Variants in DYRK1A observed in about 807,000 individuals in gnomAD.
The protein encoded by DYRK1A is dual specificity tyrosine phosphorylation regulated kinase 1A, also known as dual specificity tyrosine-phosphorylation-regulated kinase 1A.
Under a neutral mutation model 79.7 loss-of-function variants are expected in DYRK1A, and 9 were observed. The ratio of observed to expected loss-of-function variants is 0.11; its 90% CI spans 0.07 to 0.20. The LOEUF (loss-of-function observed/expected upper bound fraction) is 0.20, where lower values mean the gene tolerates loss of function less well. DYRK1A is among the 10% of genes least tolerant of loss of function. DYRK1A has a pLI of 1.00. For missense variants in DYRK1A, 622 were observed against 956.0 expected (o/e 0.65, Z 4.61); for synonymous variants, 349 against 329.7 (o/e 1.06, Z -0.63).
intron 5 of DYRK1A, among the ~76,000 whole-genome samples, chr21:37,482,378 A>G (rs2052678762): frequency 6.6e-6 from 1 of 152,164 alleles, no homozygotes; most frequent in African/African-American, 2.4e-5. Flanking sequence ...TCTGGGGGAG[A>G]CATCACATGT....
chr21:37,461,048 A>T (rs2051821339), intron 2 of DYRK1A, among the ~76,000 whole-genome samples: 1 of 152,150 alleles, frequency 6.6e-6, no homozygotes. Flanking sequence ...TGTAATCAAG[A>T]GTGGTAAGGG....
intron 2 of DYRK1A, chr21:37,430,446 A>G: frequency 1.0e-6 from 1 of 978,204 alleles, no homozygotes. Context: ...ATATGTGTTC[A>G]ACTTGCACTA....
In DYRK1A at chr21:37,467,812, G is replaced by A. The variant is rs772615520; in HGVS notation, c.11-4872G>A. Among the ~76,000 whole-genome samples the A allele has an allele frequency of 5.3e-4, 80 of 152,076 alleles. 1 individual carries two copies. The highest frequency in any genetic ancestry group is 1.1e-3 in the Non-Finnish European group (74 of 68,020). On this transcript the variant is annotated intron_variant, in intron 2 of 11. Transcript: ENST00000647188. ...TTTCCAAGATTGAGAATATGTGAGAGTAGTGTCTGTTACCTCCTTTTTAAA... is the reference window on the plus strand; with the variant it reads ...TTTCCAAGATTGAGAATATGTGAGAATAGTGTCTGTTACCTCCTTTTTAAA...
intron 1 of DYRK1A, among the ~76,000 whole-genome samples, chr21:37,402,086 C>T (rs2050064121): frequency 6.6e-6 from 1 of 152,092 alleles, no homozygotes; most frequent in African/African-American, 2.4e-5. Context: ...TGTTTTTACT[C>T]CTACTTATAT....
intron 1 of DYRK1A, among the ~76,000 whole-genome samples, chr21:37,416,058 T>C (rs896663742): frequency 6.6e-6 from 1 of 152,160 alleles, no homozygotes; most frequent in African/African-American, 2.4e-5. Flanking sequence ...TAGTGAACTT[T>C]AATGTGGGAC....
chr21:37,389,282 G>C (rs906088125), intron 1 of DYRK1A, among the ~76,000 whole-genome samples: 1 of 151,732 alleles, frequency 6.6e-6, no homozygotes, highest in Non-Finnish European at 1.5e-5. Flanking sequence ...TCCCACCTCA[G>C]CCTCCTGAGT....
At chr21:37,407,244 A>T (rs1376796101) in intron 1 of DYRK1A, among the ~76,000 whole-genome samples, 2 of 152,200 alleles carry the variant, frequency 1.3e-5, no homozygotes, top group Non-Finnish European at 2.9e-5. Context: ...TTTATGTTTT[A>T]TATACTGTAG....
chr21:37,452,663 A>G (rs2051492921), intron 2 of DYRK1A, among the ~76,000 whole-genome samples: 1 of 151,684 alleles, frequency 6.6e-6, no homozygotes, highest in African/African-American at 2.4e-5. Flanking sequence ...AGGGGAAGGG[A>G]AGGGGAGCAG....
intron 1 of DYRK1A, among the ~76,000 whole-genome samples, chr21:37,408,920 A>G (rs2050195509): frequency 6.6e-6 from 1 of 152,208 alleles, no homozygotes; most frequent in Admixed American, 6.5e-5. Context: ...AGAGGCTGAC[A>G]TGCATGCAGT....
At chr21:37,384,937 A>G (rs1452556603) in intron 1 of DYRK1A, among the ~76,000 whole-genome samples, 1 of 152,140 alleles carries the variant, frequency 6.6e-6, no homozygotes, top group East Asian at 1.9e-4. Context: ...CTCAGTCAAT[A>G]GAAATAGTAA....
At chr21:37,486,809 TC>T (rs1345412149) in intron 6 of DYRK1A, 195 bp downstream of exon 6, 1 of 438,400 alleles carries the variant, frequency 2.3e-6, no homozygotes, top group African/African-American at 2.0e-5. Flanking sequence ...GAATGTGCCT[TC>T]CATGTAGCAT....
chr21:37,476,784 T>G (rs2052407087), intron 3 of DYRK1A, among the ~76,000 whole-genome samples: 1 of 151,404 alleles, frequency 6.6e-6, no homozygotes, highest in African/African-American at 2.4e-5. Context: ...ATTCTGATGA[T>G]TTTTGTCAGA....
chr21:37,390,766 C>T (rs1056555117), intron 1 of DYRK1A, among the ~76,000 whole-genome samples: 5 of 152,050 alleles, frequency 3.3e-5, no homozygotes, highest in African/African-American at 1.2e-4. Flanking sequence ...GATGGGGTTT[C>T]GCCATGTTGC....
At chr21:37,443,118 G>T (rs530615598) in intron 2 of DYRK1A, among the ~76,000 whole-genome samples, 10 of 152,108 alleles carry the variant, frequency 6.6e-5, no homozygotes, top group African/African-American at 2.2e-4. Flanking sequence ...GCCACTGTCC[G>T]CAACCATAGA....
rs1409541555 is a variant in DYRK1A, at chr21:37,472,719, C to T, written c.46C>T (p.Arg16Trp). The T allele has an allele frequency of 2.5e-6, 4 of 1,607,382 alleles. No individual in the cohort carries two copies. The highest frequency in any genetic ancestry group is 2.2e-5 in the East Asian group (1 of 44,728). The change falls in exon 3 of 12, where the codon CGG becomes TGG. Residue 16 changes from arginine to tryptophan, a missense_variant. Transcript: ENST00000647188. ...TTCAGCATGCAAACCTTCATCTGTT[C>T]GGCTTGCACCGTCATTTTCATTCCA... ...ETSACKPSSVRLAPSFSFHAA... is the reference protein window; with the variant it reads ...ETSACKPSSVWLAPSFSFHAA...
rs1329924530 is a variant in DYRK1A, at chr21:37,519,736, G to GTGTTTTTTTTTTTTTTT, written c.*7206_*7207insGTTTTTTTTTTTTTTTT. On this transcript the variant is annotated 3_prime_UTR_variant, in exon 12 of 12. Coordinates refer to ENST00000647188, the MANE Select transcript of DYRK1A (RefSeq NM_001347721.2). ...AGAGTTTTGAGGTTTGTTGTGGGAA[G>GTGTTTTTTTTTTTTTTT]TTTTTTTTTTTTTTTTTTTTTTTGA... 2 of 85,802 alleles carry GTGTTTTTTTTTTTTTTT rather than the reference G, an allele frequency of 2.3e-5. No individual in the cohort carries two copies. The highest frequency in any genetic ancestry group is 9.7e-5 in the African/African-American group (2 of 20,580). The allele number at this position is 85,802 out of a possible 1,614,324, so 5.3% of individuals were successfully genotyped here.
chr21:37,525,051 A>G lies in DYRK1A; in HGVS notation c.*12520A>G, dbSNP rs1454305345. 6.6e-6 allele frequency: 1 copy of G among 152,316 alleles called. No individual in the cohort carries two copies. Among genetic ancestry groups the G allele is most frequent in the African/African-American group, 2.4e-5 (1 of 41,452 alleles). The allele number at this position is 152,316 out of a possible 1,614,324, so 9.4% of individuals were successfully genotyped here. A position where few individuals can be genotyped will look rare whatever the true frequency, so the allele number is the denominator to read the frequency against. On this transcript the variant is annotated 3_prime_UTR_variant, in exon 12 of 12. Coordinates refer to ENST00000647188, the MANE Select transcript of DYRK1A (RefSeq NM_001347721.2). ...GAGGTGGAGGTTGCAGTGAGCTGAG[A>G]TTGCACCACTGTACTCCAGCCTGGA...
In DYRK1A at chr21:37,420,438, G is replaced by A. The variant is rs373934884; in HGVS notation, c.10+54G>A. 7.9e-5 allele frequency: 126 copies of A among 1,589,264 alleles called. 1 individual carries two copies. The African/African-American group carries it at 1.6e-3, about 20-fold the overall frequency. On this transcript the variant is annotated intron_variant, in intron 2 of 11. Coordinates refer to ENST00000647188, the MANE Select transcript of DYRK1A (RefSeq NM_001347721.2). ...CTCTGGCTAAGAGAATGTGGGAATC[G>A]ATGGTCTATTTTGAATGGGGGAGGT...
chr21:37,466,138 C>T (rs2052018431), intron 2 of DYRK1A, among the ~76,000 whole-genome samples: 1 of 152,202 alleles, frequency 6.6e-6, no homozygotes, highest in African/African-American at 2.4e-5. Flanking sequence ...TCATAGCTAT[C>T]TGGATGTCAC....
Sources: gnomAD v4.1 joint callset for allele counts (sites outside exome capture counted in the v4.1 genomes callset) on GRCh38, gnomAD v4.1.1 for gene constraint, MANE v1.5 for transcripts, NCBI Gene and HGNC (gene_info 2026-07-23, HGNC 2026-07-21) for gene names.